DISC1: variants seen among roughly 807,000 people sequenced by gnomAD.
DISC1 encodes DISC1 scaffold protein, also known as disrupted in schizophrenia 1 protein.
DISC1 carries 57 observed loss-of-function variants against 84.5 expected under a neutral mutation model. That is an observed-to-expected ratio of 0.67 (90% CI 0.55 to 0.84). The LOEUF is 0.84. DISC1 is among the 40% of genes least tolerant of loss of function. DISC1 has a pLI of 0.00. For missense variants in DISC1, 1,000 were observed against 1,057.8 expected (o/e 0.95, Z 0.76); for synonymous variants, 411 against 415.2 (o/e 0.99, Z 0.12).
intron 8 of DISC1, among the ~76,000 whole-genome samples, chr1:231,806,208 A>T (rs1404776654): frequency 6.6e-6 from 1 of 152,204 alleles, no homozygotes; most frequent in South Asian, 2.1e-4. Context: ...TTAGCCATGC[A>T]TCTGAGTTGG....
chr1:231,739,011 T>G (rs2072898435), intron 3 of DISC1, among the ~76,000 whole-genome samples: 1 of 152,198 alleles, frequency 6.6e-6, no homozygotes, highest in South Asian at 2.1e-4. Flanking sequence ...TCCCAGGAGC[T>G]CTGGTTCCTT....
At chr1:231,858,116 A>G (rs1228309728) in intron 9 of DISC1, among the ~76,000 whole-genome samples, 1 of 152,246 alleles carries the variant, frequency 6.6e-6, no homozygotes, top group Non-Finnish European at 1.5e-5. Context: ...TTCACCAAAA[A>G]AGCAAAATAA....
At chr1:231,661,134 C>T (rs552739213) in intron 1 of DISC1, among the ~76,000 whole-genome samples, 10 of 151,664 alleles carry the variant, frequency 6.6e-5, no homozygotes, top group African/African-American at 1.9e-4. Context: ...ATTGGCTTCC[C>T]GTTGTAGGTG....
intron 12 of DISC1, among the ~76,000 whole-genome samples, chr1:232,029,987 G>C (rs1669848920): frequency 6.6e-6 from 1 of 152,212 alleles, no homozygotes; most frequent in Non-Finnish European, 1.5e-5. Context: ...TCATCGTCCT[G>C]ACAGGCTCAC....
At chr1:231,691,912 A>G (rs1255544004) in intron 1 of DISC1, among the ~76,000 whole-genome samples, 1 of 152,112 alleles carries the variant, frequency 6.6e-6, no homozygotes, top group South Asian at 2.1e-4. Context: ...CCTTCTGTAC[A>G]TCTCATCACA....
chr1:231,877,459 A>G (rs533781533), intron 9 of DISC1, among the ~76,000 whole-genome samples: 1 of 152,210 alleles, frequency 6.6e-6, no homozygotes, highest in Non-Finnish European at 1.5e-5. Flanking sequence ...AGAATTTTGT[A>G]TTTTTATCTT....
intron 9 of DISC1, among the ~76,000 whole-genome samples, chr1:231,868,751 G>C (rs2085248022): frequency 7.2e-6 from 1 of 139,584 alleles, no homozygotes; most frequent in South Asian, 2.4e-4. Flanking sequence ...TGGGCATGAT[G>C]GTAAGCAACC....
At chr1:231,714,349 A>T (rs2068371906) in intron 3 of DISC1, among the ~76,000 whole-genome samples, 1 of 152,174 alleles carries the variant, frequency 6.6e-6, no homozygotes, top group Non-Finnish European at 1.5e-5. Flanking sequence ...ATGGGAGAAA[A>T]TAGTTCTTTC....
intron 8 of DISC1, among the ~76,000 whole-genome samples, chr1:231,814,550 G>A (rs1365089741): frequency 6.6e-6 from 1 of 151,968 alleles, no homozygotes; most frequent in African/African-American, 2.4e-5. Context: ...TGAGTCTTCC[G>A]AAACACATTT....
intron 6 of DISC1, among the ~76,000 whole-genome samples, chr1:231,783,872 C>T (rs554529085): frequency 1.2e-4 from 18 of 152,316 alleles, no homozygotes; most frequent in African/African-American, 3.8e-4. Flanking sequence ...GATCAGAAAT[C>T]CTTACGTTCA....
At chr1:232,019,631 A>C (rs1668769742) in intron 11 of DISC1, among the ~76,000 whole-genome samples, 1 of 152,128 alleles carries the variant, frequency 6.6e-6, no homozygotes, top group African/African-American at 2.4e-5. Context: ...GCACACAGAG[A>C]GACACTCAGT....
At chr1:231,777,701 T>A (rs998870947) in intron 6 of DISC1, among the ~76,000 whole-genome samples, 1 of 152,190 alleles carries the variant, frequency 6.6e-6, no homozygotes, top group African/African-American at 2.4e-5. Flanking sequence ...CCTGCAGGTG[T>A]GCCCTCTCCA....
intron 8 of DISC1, among the ~76,000 whole-genome samples, chr1:231,801,545 T>C (rs192268927): frequency 2.6e-5 from 4 of 152,214 alleles, no homozygotes; most frequent in African/African-American, 9.6e-5. Flanking sequence ...TGGTGAGGCC[T>C]GATCTGCTGA....
At position 231,698,638 on chromosome 1, in the gene DISC1, G is replaced by A. The variant is rs957677906; in HGVS notation, c.1048-3317G>A. 2.0e-5 allele frequency among the ~76,000 whole-genome samples: 3 copies of A among 152,178 alleles called. No homozygotes were observed. The highest frequency in any genetic ancestry group is 7.2e-5 in the African/African-American group (3 of 41,432). On this transcript the variant is annotated intron_variant, in intron 2 of 12. Coordinates refer to ENST00000439617, the MANE Select transcript of DISC1 (RefSeq NM_018662.3). The surrounding 1 kb of genome is among the most constrained non-coding windows in gnomAD (Gnocchi z 4.9). ...TTATAGAGATCACTGGACGAGGTGGGCATCGTGGGGTGGGCTTTGGCTGTA... is the reference window on the plus strand; with the variant it reads ...TTATAGAGATCACTGGACGAGGTGGACATCGTGGGGTGGGCTTTGGCTGTA...
intron 3 of DISC1, among the ~76,000 whole-genome samples, chr1:231,725,341 G>A (rs1015992645): frequency 3.9e-5 from 6 of 152,280 alleles, no homozygotes; most frequent in African/African-American, 1.4e-4. Context: ...AGAAACTGAC[G>A]CAAACCAGCA....
chr1:231,942,529 G>C (rs2091411989), intron 9 of DISC1, among the ~76,000 whole-genome samples: 1 of 152,158 alleles, frequency 6.6e-6, no homozygotes, highest in Non-Finnish European at 1.5e-5. Context: ...GCCTGGCGTG[G>C]TGTCACATGC....
intron 6 of DISC1, chr1:231,771,340 C>T (rs904264725): frequency 1.0e-6 from 1 of 985,218 alleles, no homozygotes; most frequent in African/African-American, 1.7e-5. Flanking sequence ...TCCAAACACC[C>T]TCAGGACACC....
At chr1:231,869,285 C>T (rs1281125858) in intron 9 of DISC1, among the ~76,000 whole-genome samples, 1 of 152,046 alleles carries the variant, frequency 6.6e-6, no homozygotes, top group Non-Finnish European at 1.5e-5. Context: ...ACACTTAACT[C>T]AGGAACAGAC....
At chr1:231,884,757 C>T (rs927441911) in intron 9 of DISC1, among the ~76,000 whole-genome samples, 2 of 148,814 alleles carry the variant, frequency 1.3e-5, no homozygotes, top group African/African-American at 5.0e-5. Flanking sequence ...TTTACCCATA[C>T]AACAAATCAT....
Sources: allele counts gnomAD v4.1 joint callset (sites outside exome capture counted in the v4.1 genomes callset), GRCh38; gene constraint gnomAD v4.1.1; non-coding constraint Gnocchi (gnomAD v3.1); transcripts MANE v1.5; gene names NCBI Gene and HGNC (gene_info 2026-07-23, HGNC 2026-07-21).